The following DLG2 variants were observed in gnomAD, a reference collection of about 807,000 sequenced individuals.
The protein encoded by DLG2 is disks large homolog 2.
A neutral mutation model predicts 132.5 loss-of-function variants in DLG2; 45 were observed. The ratio of observed to expected loss-of-function variants is 0.34; its 90% CI spans 0.27 to 0.44. The LOEUF (loss-of-function observed/expected upper bound fraction) is 0.44, where lower values mean the gene tolerates loss of function less well. Ranked by LOEUF, DLG2 falls within the 20% of genes least tolerant of loss-of-function variation. DLG2 has a pLI of 1.00. For synonymous variants in DLG2, 424 were observed against 419.6 expected, an observed-to-expected ratio of 1.01 and a Z score of -0.13; for missense variants, 1,045 against 1,196.9, an observed-to-expected ratio of 0.87 and a Z score of 1.87.
At chr11:84,565,176 T>A in intron 6 of DLG2, among the ~76,000 whole-genome samples, 2 of 152,326 alleles carry the variant, frequency 1.3e-5, no homozygotes, top group East Asian at 3.9e-4. Flanking sequence ...AGCTTGTCCA[T>A]ATACACAGGT....
chr11:84,275,894 T>A (rs2097779251), intron 7 of DLG2, among the ~76,000 whole-genome samples: 5 of 152,090 alleles, frequency 3.3e-5, no homozygotes, highest in Admixed American at 3.3e-4. Context: ...TTTGCTAGAG[T>A]CTGTTGTTAG....
At chr11:84,610,153 A>C (rs1317281893) in intron 6 of DLG2, among the ~76,000 whole-genome samples, 2 of 152,102 alleles carry the variant, frequency 1.3e-5, no homozygotes, top group African/African-American at 4.8e-5. Context: ...TATGTGGATG[A>C]TACTGAAGGA....
chr11:83,720,165 G>A (rs898833100), intron 18 of DLG2, among the ~76,000 whole-genome samples: 5 of 150,940 alleles, frequency 3.3e-5, no homozygotes, highest in South Asian at 2.1e-4. Flanking sequence ...ATGGTGGCTC[G>A]TGCCTGTAGT....
At chr11:84,374,997 T>A (rs180754623) in intron 7 of DLG2, among the ~76,000 whole-genome samples, 2 of 152,300 alleles carry the variant, frequency 1.3e-5, no homozygotes, top group African/African-American at 4.8e-5. Flanking sequence ...CAGATTTTAA[T>A]GGACTATTGC....
intron 26 of DLG2, among the ~76,000 whole-genome samples, chr11:83,465,254 T>A (rs890008032): frequency 6.6e-6 from 1 of 152,190 alleles, no homozygotes; most frequent in African/African-American, 2.4e-5. Flanking sequence ...TCAAGGTACA[T>A]CTCTGGCTAT....
intron 7 of DLG2, among the ~76,000 whole-genome samples, chr11:84,532,727 G>T (rs2099345847): frequency 6.6e-6 from 1 of 152,096 alleles, no homozygotes; most frequent in Non-Finnish European, 1.5e-5. Flanking sequence ...GAAGTCCTGG[G>T]ATCAGCGGTC....
In DLG2 at chr11:85,087,844, C is replaced by CAAAAAAAAAAAAAA. The variant is rs71465019; in HGVS notation, c.357+23803_357+23816dup. Reference sequence around the variant, plus strand: ...TGGGCGACAGAGCGAGACTCCGTCTCAAAAAAAAAAAAAAAAAAAAAAAAA... The same window carrying CAAAAAAAAAAAAAA: ...TGGGCGACAGAGCGAGACTCCGTCTCAAAAAAAAAAAAAAAAAAAAAAAAAAAAAAAAAAAAAAA... On this transcript the variant is annotated intron_variant, in intron 6 of 27. Transcript: ENST00000376104. Among the ~76,000 whole-genome samples, 91 of 22,030 alleles carry CAAAAAAAAAAAAAA rather than the reference C, an allele frequency of 4.1e-3. 2 individuals are homozygous for CAAAAAAAAAAAAAA. Among genetic ancestry groups the CAAAAAAAAAAAAAA allele is most frequent in the Non-Finnish European group, 7.1e-3 (63 of 8,832 alleles). 14.5% of individuals were successfully genotyped at this position (22,030 alleles called of 152,430 possible).
At chr11:84,964,667 A>G (rs2053074088) in intron 6 of DLG2, among the ~76,000 whole-genome samples, 1 of 152,144 alleles carries the variant, frequency 6.6e-6, no homozygotes, top group Non-Finnish European at 1.5e-5. Context: ...GCAGGCACTG[A>G]TGTAAAAATA....
At chr11:83,930,585 C>T (rs1010889900) in intron 14 of DLG2, 102 bp from the exon 15 acceptor site, 15 of 1,199,994 alleles carry the variant, frequency 1.3e-5, no homozygotes, top group Non-Finnish European at 1.6e-5. Context: ...AAAAACAATG[C>T]CATTTTATCT....
At chr11:84,796,839 T>TTTTATTTATTTATTTATTTATTTA (rs564095288) in intron 6 of DLG2, among the ~76,000 whole-genome samples, 4 of 149,750 alleles carry the variant, frequency 2.7e-5, no homozygotes, top group African/African-American at 9.9e-5. Flanking sequence ...TTTTATTATA[T>TTTTATTTATTTATTTATTTATTTA]TTTATTTATT....
intron 4 of DLG2, among the ~76,000 whole-genome samples, chr11:85,275,939 G>T (rs555032041): frequency 6.6e-6 from 1 of 152,106 alleles, no homozygotes; most frequent in Non-Finnish European, 1.5e-5. Context: ...CTGATTCTAG[G>T]TAAGGACAGT....
At chr11:84,891,902 C>T (rs996693525) in intron 6 of DLG2, among the ~76,000 whole-genome samples, 5 of 152,078 alleles carry the variant, frequency 3.3e-5, no homozygotes, top group African/African-American at 1.2e-4. Flanking sequence ...ATAGGATGCA[C>T]CATTTATTAT....
intron 6 of DLG2, among the ~76,000 whole-genome samples, chr11:84,896,041 G>C (rs1337365366): frequency 6.6e-6 from 1 of 152,080 alleles, no homozygotes; most frequent in Non-Finnish European, 1.5e-5. Flanking sequence ...TTAGTTAGGA[G>C]TGAGCACAGA....
chr11:85,301,927 G>A (rs1052493093), intron 3 of DLG2, among the ~76,000 whole-genome samples: 5 of 152,152 alleles, frequency 3.3e-5, no homozygotes, highest in African/African-American at 1.2e-4. Flanking sequence ...GATTCATTTA[G>A]AAAATGGCTA....
chr11:84,718,571 GCTTAT>G (rs1427061276), intron 6 of DLG2, among the ~76,000 whole-genome samples: 1 of 152,154 alleles, frequency 6.6e-6, no homozygotes, highest in Admixed American at 6.5e-5. Flanking sequence ...TACACCAATG[GCTTAT>G]CTTATTTGAT....
At chr11:84,602,169 T>G (rs2154534102) in intron 6 of DLG2, among the ~76,000 whole-genome samples, 1 of 152,110 alleles carries the variant, frequency 6.6e-6, no homozygotes. Context: ...GCTTATATTG[T>G]GATCAAATCT....
intron 18 of DLG2, among the ~76,000 whole-genome samples, chr11:83,711,753 G>A (rs1366606964): frequency 6.6e-6 from 1 of 152,126 alleles, no homozygotes; most frequent in Non-Finnish European, 1.5e-5. Context: ...AGGGTTTACA[G>A]GAAGCCTTGC....
intron 7 of DLG2, among the ~76,000 whole-genome samples, chr11:84,318,509 C>T (rs1002950242): frequency 4.6e-5 from 7 of 152,122 alleles, no homozygotes; most frequent in Admixed American, 1.3e-4. Flanking sequence ...TGACCAGGTG[C>T]TGGGGCAGTA....
At chr11:83,484,510 TTTTTTGAA>T (rs2093371674) in intron 21 of DLG2, among the ~76,000 whole-genome samples, 1 of 24,372 alleles carries the variant, frequency 4.1e-5, no homozygotes, top group South Asian at 8.8e-4. Flanking sequence ...AGACCCAGAA[TTTTTTGAA>T]TTTTTTGTGC....
Sources: gnomAD v4.1 joint callset for allele counts (sites outside exome capture counted in the v4.1 genomes callset) on GRCh38, gnomAD v4.1.1 for gene constraint, MANE v1.5 for transcripts, NCBI Gene and HGNC (gene_info 2026-07-23, HGNC 2026-07-21) for gene names.